Variants in ZNF644 observed in about 807,000 individuals in gnomAD.
ZNF644 encodes zinc finger protein 644, also known as zinc finger motif enhancer binding protein 2.
In ZNF644, 20 loss-of-function variants were observed where a neutral mutation model predicts 108.0. The ratio of observed to expected loss-of-function variants is 0.19; its 90% CI spans 0.13 to 0.27. ZNF644 has a LOEUF of 0.27. Among genes scored for constraint, ZNF644 ranks in the 10% least tolerant of loss-of-function variants. ZNF644 has a pLI of 1.00. For synonymous variants in ZNF644, 542 were observed against 539.1 expected (o/e 1.01, Z -0.08); for missense variants, 1,338 against 1,548.9 (o/e 0.86, Z 2.29).
At chr1:90,936,282 T>C (rs1230607896) in intron 4 of ZNF644, among the ~76,000 whole-genome samples, 1 of 152,212 alleles carries the variant, frequency 6.6e-6, no homozygotes, top group Admixed American at 6.5e-5. Flanking sequence ...ATTACTGTGA[T>C]AGCCACAAAT....
intron 5 of ZNF644, among the ~76,000 whole-genome samples, chr1:90,917,340 G>A (rs1648893050): frequency 6.6e-6 from 1 of 152,102 alleles, no homozygotes; most frequent in South Asian, 2.1e-4. Flanking sequence ...TTGTGTCTAT[G>A]TTTCTTCATG....
rs1200008457 is a variant in ZNF644, at chr1:91,013,449, TCTCACACACACACA to T, written c.-18+8527_-18+8540del. On this transcript the variant is annotated intron_variant, in intron 1 of 5. Transcript: ENST00000337393. ...CTCCAATATATATTTCCAATCTCTC[TCTCACACACACACA>T]CACACACACACACACACACATACAC... Among the ~76,000 whole-genome samples, 3 of 96,266 alleles carry T rather than the reference TCTCACACACACACA, an allele frequency of 3.1e-5. No individual in the cohort carries two copies. In the East Asian group the frequency reaches 6.7e-4, roughly 21 times the overall value. The allele number at this position is 96,266 out of a possible 152,430, so 63.2% of individuals were successfully genotyped here.
At position 90,938,323 on chromosome 1, in the gene ZNF644, G is replaced by T. The variant is rs1345760761; in HGVS notation, c.3031C>A (p.Gln1011Lys). ...PEQIATSDKM[Q>K]HFKRTGTGTP... is the part of the protein sequence containing the mutation. ...CCTGTGCCAGTTCTTTTGAAATGCT[G>T]CATTTTGTCACTTGTGGCTATTTGT... is the stretch of plus-strand genomic sequence containing the variant. The change falls in exon 3 of 6, where the codon CAG becomes AAG. Residue 1011 changes from glutamine to lysine, a missense_variant. Transcript: ENST00000337393. The surrounding 1 kb of genome is among the most constrained non-coding windows in gnomAD (Gnocchi z 4.2). 2 of 1,613,952 alleles carry T rather than the reference G, an allele frequency of 1.2e-6. No homozygotes were observed. The highest frequency in any genetic ancestry group is 1.7e-6 in the Non-Finnish European group (2 of 1,179,886).
chr1:90,984,935 C>T (rs139273127), intron 1 of ZNF644, among the ~76,000 whole-genome samples: 1 of 152,270 alleles, frequency 6.6e-6, no homozygotes, highest in Non-Finnish European at 1.5e-5. Context: ...ACGATATAAA[C>T]ATACTTGAAT....
At chr1:90,995,752 A>T (rs1658088913) in intron 1 of ZNF644, among the ~76,000 whole-genome samples, 1 of 152,214 alleles carries the variant, frequency 6.6e-6, no homozygotes, top group Admixed American at 6.5e-5. Flanking sequence ...TCCTTCAAAA[A>T]TGAGGTGAAA....
At chr1:90,949,999 C>CG (rs1557587533) in intron 2 of ZNF644, among the ~76,000 whole-genome samples, 1 of 151,650 alleles carries the variant, frequency 6.6e-6, no homozygotes, top group Non-Finnish European at 1.5e-5. Context: ...GCGCTGGGGC[C>CG]GGGGGCAGTG....
At chr1:90,925,159 G>A (rs180898590) in intron 4 of ZNF644, among the ~76,000 whole-genome samples, 82 of 152,288 alleles carry the variant, frequency 5.4e-4, no homozygotes, top group African/African-American at 1.9e-3. Flanking sequence ...GGCCCAGAAA[G>A]ACTGGAGTAG....
At chr1:90,976,621 C>CAAGCAT (rs1267991885) in intron 2 of ZNF644, among the ~76,000 whole-genome samples, 5 of 152,116 alleles carry the variant, frequency 3.3e-5, no homozygotes, top group South Asian at 2.1e-4. Flanking sequence ...ATACTAAAGA[C>CAAGCAT]AAGCATGGCT....
chr1:90,969,811 G>GA (rs200889902), intron 2 of ZNF644, among the ~76,000 whole-genome samples: 1,935 of 152,146 alleles, frequency 0.013, 38 homozygotes, highest in African/African-American at 0.044. Flanking sequence ...AGCCCATATA[G>GA]GTTCTGTACT....
Position 90,937,689 on chromosome 1 carries a change from T to A in ZNF644, c.3484A>T (p.Ser1162Cys), listed in dbSNP as rs777478956. 1 of 1,613,976 alleles carries A rather than the reference T, an allele frequency of 6.2e-7. No individual in the cohort carries two copies. The highest frequency in any genetic ancestry group is 8.5e-7 in the Non-Finnish European group (1 of 1,179,898). Residue 1162 changes from serine (S) to cysteine (C), a missense_variant, in exon 4 of 6, where the codon AGT becomes TGT. By Grantham distance (112) the Ser-to-Cys change is moderately radical. This residue lies in a region of ZNF644 where 287 missense variants were observed against 310.9 expected (regional missense o/e 0.92). Transcript: ENST00000337393. ...GTAAGAGACTGATTCTTTTTCCCAC[T>A]GGGCAGTTCTGGTTTTGTTTCATCA... Reference protein sequence around the residue: ...EYDETKPELPSGKKNQSLTLI... With the variant: ...EYDETKPELPCGKKNQSLTLI...
At chr1:90,932,415 C>T (rs1254399804) in intron 4 of ZNF644, among the ~76,000 whole-genome samples, 1 of 152,192 alleles carries the variant, frequency 6.6e-6, no homozygotes, top group Non-Finnish European at 1.5e-5. Flanking sequence ...TTCCTATCTA[C>T]TTTCCCTTTA....
At chr1:90,950,344 G>GAAAAC (rs2101040338) in intron 2 of ZNF644, among the ~76,000 whole-genome samples, 1 of 147,226 alleles carries the variant, frequency 6.8e-6, no homozygotes, top group East Asian at 2.0e-4. Flanking sequence ...GAAAAGAAAA[G>GAAAAC]AAAAGAAAAG....
intron 2 of ZNF644, among the ~76,000 whole-genome samples, chr1:90,959,049 C>T (rs1654049957): frequency 6.6e-6 from 1 of 151,996 alleles, no homozygotes; most frequent in Non-Finnish European, 1.5e-5. Context: ...ATCCAGAACA[C>T]ATAAAAAACT....
At chr1:91,011,313 A>G (rs1659941634) in intron 1 of ZNF644, among the ~76,000 whole-genome samples, 1 of 152,196 alleles carries the variant, frequency 6.6e-6, no homozygotes, top group Admixed American at 6.5e-5. Context: ...TTTCATTTAT[A>G]AACTCGAGCA....
intron 1 of ZNF644, among the ~76,000 whole-genome samples, chr1:91,006,891 C>T (rs1659476379): frequency 1.3e-5 from 2 of 152,004 alleles, no homozygotes; most frequent in East Asian, 1.9e-4. Context: ...CTAACAACCT[C>T]ATGTTTCATA....
chr1:90,982,190 T>A (rs1054449730), intron 2 of ZNF644, 120 bp downstream of exon 2: 12 of 794,442 alleles, frequency 1.5e-5, no homozygotes, highest in African/African-American at 1.4e-4. Context: ...ATTATTTGCA[T>A]TTCAAAATTT....
chr1:90,979,263 G>C (rs1308097950), intron 2 of ZNF644, among the ~76,000 whole-genome samples: 5 of 152,164 alleles, frequency 3.3e-5, no homozygotes, highest in Non-Finnish European at 7.4e-5. Context: ...CCTGAGGTCA[G>C]GAGTTCGAGA....
chr1:90,938,402 C>T lies in ZNF644; in HGVS notation c.2952G>A (p.Gly984=), dbSNP rs767662099. ...TGVGLSNHVR[G]HLHRAGLSYE... ...AGCTTAATCCTGCTCTGTGAAGATG[C>T]CCCCTGACATGATTTGATAACCCAA... is the stretch of plus-strand genomic sequence containing the variant. The change falls in exon 3 of 6, where the codon GGG becomes GGA. Residue 984 remains glycine (G), a synonymous_variant. Transcript: ENST00000337393. This position sits in a 1 kb window ranked among gnomAD's most constrained non-coding sequence, Gnocchi z 4.2. 2 of 1,613,906 alleles carry T rather than the reference C, an allele frequency of 1.2e-6. No homozygotes were observed. The highest frequency in any genetic ancestry group is 8.5e-7 in the Non-Finnish European group (1 of 1,179,884).
At chr1:90,933,808 A>C (rs1447039984) in intron 4 of ZNF644, among the ~76,000 whole-genome samples, 1 of 152,220 alleles carries the variant, frequency 6.6e-6, no homozygotes, top group Non-Finnish European at 1.5e-5. Context: ...TTAAAAACAA[A>C]GATTAGGTAA....
Sources: allele counts gnomAD v4.1 joint callset (sites outside exome capture counted in the v4.1 genomes callset), GRCh38; gene constraint gnomAD v4.1.1; regional missense constraint gnomAD v4.1.1; non-coding constraint Gnocchi (gnomAD v3.1); transcripts MANE v1.5; gene names NCBI Gene and HGNC (gene_info 2026-07-23, HGNC 2026-07-21).